Variants in HPSE2 observed in about 807,000 individuals in gnomAD.
HPSE2 encodes the protein heparanase 2 (inactive), also known as inactive heparanase-2.
Under a neutral mutation model 60.5 loss-of-function variants are expected in HPSE2, and 38 were observed. That is an observed-to-expected ratio of 0.63 (90% CI 0.48 to 0.82). The LOEUF (loss-of-function observed/expected upper bound fraction) is 0.82, where lower values mean the gene tolerates loss of function less well. Ranked by LOEUF, HPSE2 falls within the 40% of genes least tolerant of loss-of-function variation. HPSE2 has a pLI of 0.00. For synonymous variants in HPSE2, 295 were observed against 293.2 expected, an observed-to-expected ratio of 1.01 and a Z score of -0.06; for missense variants, 713 against 740.4, an observed-to-expected ratio of 0.96 and a Z score of 0.43.
At chr10:98,912,794 C>T (rs866206312) in intron 3 of HPSE2, among the ~76,000 whole-genome samples, 3 of 151,318 alleles carry the variant, frequency 2.0e-5, no homozygotes, top group Admixed American at 6.6e-5. Flanking sequence ...GAATAGTAGC[C>T]GGGGCAGTGA....
intron 3 of HPSE2, among the ~76,000 whole-genome samples, chr10:99,131,246 G>T (rs1309188431): frequency 6.6e-6 from 1 of 152,184 alleles, no homozygotes; most frequent in Admixed American, 6.5e-5. Context: ...ACTGAACAGG[G>T]AAAACACAAC....
At chr10:98,620,859 C>G (rs1302467471) in intron 7 of HPSE2, 151 bp from the exon 8 acceptor site, 1 of 696,574 alleles carries the variant, frequency 1.4e-6, no homozygotes, top group Non-Finnish European at 2.6e-6. Flanking sequence ...GCACCCAGTT[C>G]AGTGAGTTGG....
chr10:99,067,834 G>C (rs2135539659), intron 3 of HPSE2, among the ~76,000 whole-genome samples: 1 of 152,318 alleles, frequency 6.6e-6, no homozygotes, highest in Non-Finnish European at 1.5e-5. Context: ...CAGCAGGCTT[G>C]AATTTCTCCT....
chr10:98,749,920 A>G (rs891517225), intron 3 of HPSE2, among the ~76,000 whole-genome samples: 2 of 133,310 alleles, frequency 1.5e-5, no homozygotes, highest in Non-Finnish European at 1.6e-5. Flanking sequence ...TTATATATAT[A>G]TATTAAACAC....
intron 3 of HPSE2, among the ~76,000 whole-genome samples, chr10:99,116,238 A>G (rs1276910256): frequency 1.3e-5 from 2 of 152,036 alleles, no homozygotes; most frequent in Non-Finnish European, 1.5e-5. Context: ...CTAACAGTCT[A>G]AATTCCAAAC....
At chr10:99,162,782 TCA>T (rs1324348566) in intron 2 of HPSE2, among the ~76,000 whole-genome samples, 5 of 152,192 alleles carry the variant, frequency 3.3e-5, no homozygotes, top group Admixed American at 2.6e-4. Flanking sequence ...TCAAAATGTC[TCA>T]GTGTTGTCCC....
At chr10:99,287,851 G>A in the HPSE2 span, among the ~76,000 whole-genome samples, 13 of 152,200 alleles carry the variant, frequency 8.5e-5, no homozygotes, top group South Asian at 2.5e-3. Flanking sequence ...TAGTTACTGA[G>A]GAGTAAAAAT....
At chr10:99,201,096 C>A (rs1848562066) in intron 2 of HPSE2, among the ~76,000 whole-genome samples, 1 of 152,132 alleles carries the variant, frequency 6.6e-6, no homozygotes, top group South Asian at 2.1e-4. Context: ...AAGTTTGAGT[C>A]ATGCCCATGT....
chr10:98,476,697 G>C (rs1941036603), intron 11 of HPSE2, among the ~76,000 whole-genome samples: 1 of 151,962 alleles, frequency 6.6e-6, no homozygotes, highest in African/African-American at 2.4e-5. Context: ...GGTTGAGATG[G>C]GAGAATAGCT....
At chr10:99,287,092 T>C in the HPSE2 span, among the ~76,000 whole-genome samples, 1 of 152,254 alleles carries the variant, frequency 6.6e-6, no homozygotes, top group African/African-American at 2.4e-5. Flanking sequence ...GTACAGAACC[T>C]TCCCTAGAGC....
At chr10:98,670,300 A>AT (rs1240195947) in intron 6 of HPSE2, among the ~76,000 whole-genome samples, 2 of 152,192 alleles carry the variant, frequency 1.3e-5, no homozygotes, top group Non-Finnish European at 2.9e-5. Flanking sequence ...GGAATAGGGT[A>AT]TAGGTGGAAG....
intron 3 of HPSE2, among the ~76,000 whole-genome samples, chr10:98,863,975 G>A (rs1402641913): frequency 2.0e-5 from 3 of 150,752 alleles, no homozygotes; most frequent in African/African-American, 4.9e-5. Context: ...ATATATACAC[G>A]TACTATGCAA....
At chr10:98,802,537 T>C (rs2134532333) in intron 3 of HPSE2, among the ~76,000 whole-genome samples, 1 of 142,074 alleles carries the variant, frequency 7.0e-6, no homozygotes, top group East Asian at 2.1e-4. Flanking sequence ...GTTCTCATTG[T>C]TCAATTCCCA....
intron 3 of HPSE2, among the ~76,000 whole-genome samples, chr10:98,999,842 T>C (rs2135369480): frequency 2.0e-5 from 3 of 152,308 alleles, no homozygotes; most frequent in Middle Eastern, 6.8e-3. Flanking sequence ...CAGTGTTGCC[T>C]TATTTTCTTG....
chr10:99,138,427 A>C (rs1845742161), intron 3 of HPSE2, among the ~76,000 whole-genome samples: 1 of 152,216 alleles, frequency 6.6e-6, no homozygotes, highest in South Asian at 2.1e-4. Flanking sequence ...TTCTACTATA[A>C]AGACACATGC....
At chr10:99,184,458 G>A (rs1223790402) in intron 2 of HPSE2, among the ~76,000 whole-genome samples, 1 of 141,814 alleles carries the variant, frequency 7.1e-6, no homozygotes, top group Non-Finnish European at 1.5e-5. Flanking sequence ...CCAGGAGGTG[G>A]AGGTTGCAGT....
At position 98,459,653 on chromosome 10, in the gene HPSE2, C is replaced by A. The variant is rs762313835; in HGVS notation, c.1700G>T (p.Arg567Leu). The A allele has an allele frequency of 6.2e-7, 1 of 1,613,994 alleles. No homozygotes were observed. The highest frequency in any genetic ancestry group is 8.5e-7 in the Non-Finnish European group (1 of 1,180,008). Residue 567 changes from arginine (R) to leucine (L), a missense_variant, in exon 12 of 12, where the codon CGG becomes CTG. Arg to Leu is a moderately radical substitution (Grantham distance 102). Coordinates refer to ENST00000370552, the MANE Select transcript of HPSE2 (RefSeq NM_021828.5). The stretch of plus-strand genomic sequence containing the variant: ...GGTGACTGGAGGGATGACCAATGTC[C>A]GGCCGGCCCGAAGGGGGCGGGGCTT... ...ELKPRPLRAG[R>L]TLVIPPVTMG... is the part of the protein sequence containing the mutation.
chr10:99,020,428 T>C (rs1445801265), intron 3 of HPSE2, among the ~76,000 whole-genome samples: 1 of 152,212 alleles, frequency 6.6e-6, no homozygotes, highest in Non-Finnish European at 1.5e-5. Context: ...ACTGGTCTCC[T>C]GGCTCCCAGC....
intron 2 of HPSE2, among the ~76,000 whole-genome samples, chr10:99,184,819 T>TATATATATATATAG (rs1554912295): frequency 2.0e-4 from 4 of 19,868 alleles, no homozygotes; most frequent in African/African-American, 3.3e-4. Context: ...TATATATATA[T>TATATATATATATAG]AGAGAGAGAG....
Sources: gnomAD v4.1 joint callset for allele counts (sites outside exome capture counted in the v4.1 genomes callset) on GRCh38, gnomAD v4.1.1 for gene constraint, MANE v1.5 for transcripts, NCBI Gene and HGNC (gene_info 2026-07-23, HGNC 2026-07-21) for gene names.